PTGR1: variants seen among roughly 807,000 people sequenced by gnomAD.
The protein encoded by PTGR1 is prostaglandin reductase 1, also known as 15-oxoprostaglandin 13-reductase.
A neutral mutation model predicts 37.7 loss-of-function variants in PTGR1; 23 were observed. That is an observed-to-expected ratio of 0.61 (90% confidence interval 0.44 to 0.86). PTGR1 has a LOEUF of 0.86. PTGR1 is among the 40% of genes least tolerant of loss of function. PTGR1 has a pLI of 0.00. For missense variants in PTGR1, 351 were observed against 394.3 expected (o/e 0.89, Z 0.93); for synonymous variants, 134 against 140.0 (o/e 0.96, Z 0.30).
At chr9:111,562,329 A>G (rs983705902), downstream of PTGR1, among the ~76,000 whole-genome samples, 3 of 148,962 alleles carry the variant, frequency 2.0e-5, no homozygotes, top group Non-Finnish European at 4.4e-5. Context: ...AGGCTGGAGT[A>G]CAGTGGCGCA....
intron 2 of PTGR1, among the ~76,000 whole-genome samples, chr9:111,594,546 A>ATCCTTTTTTTTTTTTTTTTTTT: frequency 7.8e-6 from 1 of 127,420 alleles, no homozygotes. Context: ...CGTTTTTGGC[A>ATCCTTTTTTTTTTTTTTTTTTT]TTCTTTTTTT....
chr9:111,573,838 TGGAGCGGGAGGG>T (rs1307608206), intron 8 of PTGR1, among the ~76,000 whole-genome samples: 1 of 152,048 alleles, frequency 6.6e-6, no homozygotes, highest in East Asian at 1.9e-4. Flanking sequence ...CCTCAGAGTG[TGGAGCGGGAGGG>T]ATGTGGTTTC....
At chr9:111,551,248 C>G (rs894948160) in intron 9 of PTGR1, among the ~76,000 whole-genome samples, 7 of 152,128 alleles carry the variant, frequency 4.6e-5, no homozygotes, top group Non-Finnish European at 7.3e-5. Flanking sequence ...TGTTAATCTA[C>G]ACACAAAATT....
chr9:111,576,323 C>T (rs751003056), intron 7 of PTGR1: 1 of 1,609,718 alleles, frequency 6.2e-7, no homozygotes, highest in South Asian at 1.1e-5. Flanking sequence ...TTATTTGTAA[C>T]CTCAAACCAG....
At chr9:111,560,935 T>G (rs1215573194), downstream of PTGR1, among the ~76,000 whole-genome samples, 1 of 105,676 alleles carries the variant, frequency 9.5e-6, no homozygotes, top group Non-Finnish European at 1.9e-5. Context: ...AGAGTGAGAC[T>G]CCATCTAAAA....
rs554980126 is a variant in PTGR1 at position 111,562,738 on chromosome 9, G to A, written c.*383C>T. ...GAAGGCATTAGCTATTTATCCTGATGCTCTCCCTCCCTCACCCCGGCTTCC... is the reference window on the plus strand; with the variant it reads ...GAAGGCATTAGCTATTTATCCTGATACTCTCCCTCCCTCACCCCGGCTTCC... On this transcript the variant is annotated 3_prime_UTR_variant, in exon 10 of 10. Transcript: ENST00000407693. 6.8e-4 allele frequency: 124 copies of A among 182,832 alleles called. No individual in the cohort carries two copies. The highest frequency in any genetic ancestry group is 2.7e-3 in the African/African-American group (116 of 42,594). 11.3% of individuals were successfully genotyped at this position (182,832 alleles called of 1,614,324 possible).
At chr9:111,562,065 T>G (rs1179660418), downstream of PTGR1, among the ~76,000 whole-genome samples, 1 of 152,144 alleles carries the variant, frequency 6.6e-6, no homozygotes, top group Non-Finnish European at 1.5e-5. Context: ...TTTGTATTTT[T>G]AGTAGAGACA....
chr9:111,549,752 T>G, exon 10 of PTGR1: 2 of 1,550,980 alleles, frequency 1.3e-6, no homozygotes, highest in Non-Finnish European at 1.7e-6. Context: ...CATATTCCCT[T>G]CATTTTTCTG....
chr9:111,587,136 C>T (rs1221491834), intron 4 of PTGR1, among the ~76,000 whole-genome samples: 1 of 151,982 alleles, frequency 6.6e-6, no homozygotes, highest in Non-Finnish European at 1.5e-5. Context: ...ACTCTATTAA[C>T]ACAGGGTCAC....
rs943868637 is a variant in PTGR1, at chr9:111,563,361, C to T, written c.880-130G>A. ...GAAAATAAGAGATGGAAGTCCTGTC[C>T]TCCATGAACTTGAAGTCAAGGTGGG... On this transcript the variant is annotated intron_variant, in intron 9 of 9. Transcript: ENST00000407693. The T allele has an allele frequency of 9.9e-6, 9 of 913,550 alleles. No individual in the cohort carries two copies. The African/African-American group carries it at 1.3e-4, about 14-fold the overall frequency. The allele number at this position is 913,550 out of a possible 1,614,324, so 56.6% of individuals were successfully genotyped here.
intron 9 of PTGR1, 187 bp downstream of exon 9, chr9:111,569,904 G>T: frequency 1.1e-6 from 1 of 903,242 alleles, no homozygotes; most frequent in Non-Finnish European, 1.6e-6. Context: ...ACTTTAGAGA[G>T]GGTTGTTTTG....
In PTGR1 at chr9:111,570,177, G is replaced by A; in HGVS notation, c.793C>T (p.Leu265Phe). The change falls in exon 9 of 10, where the codon CTT becomes TTT. Residue 265 changes from leucine (L) to phenylalanine (F), a missense_variant. Coordinates refer to ENST00000407693, the MANE Select transcript of PTGR1 (RefSeq NM_001146108.2). ...TAGACGACAAAAGCTTCCATGCGAA[G>A]CTCCTGATAGATAACAATCTCTGGG... Reference protein sequence around the residue: ...PPPEIVIYQELRMEAFVVYRW... With the variant: ...PPPEIVIYQEFRMEAFVVYRW... 6 of 1,614,042 alleles carry A rather than the reference G, an allele frequency of 3.7e-6. No homozygotes were observed. Among genetic ancestry groups the A allele is most frequent in the Non-Finnish European group, 4.2e-6 (5 of 1,180,002 alleles).
intron 2 of PTGR1, 50 bp from the exon 3 acceptor site, chr9:111,594,317 G>A (rs1564623403): frequency 2.0e-6 from 3 of 1,519,398 alleles, no homozygotes; most frequent in Non-Finnish European, 2.7e-6. Flanking sequence ...GGCCTGAGAG[G>A]AACAATAGAC....
chr9:111,550,948 T>C (rs1380208921), intron 9 of PTGR1, among the ~76,000 whole-genome samples: 2 of 152,228 alleles, frequency 1.3e-5, no homozygotes, highest in Non-Finnish European at 2.9e-5. Context: ...CTGGAGGCTT[T>C]CCTGAAGCCT....
intron 9 of PTGR1, among the ~76,000 whole-genome samples, chr9:111,566,326 G>T (rs1164138398): frequency 6.6e-6 from 1 of 152,138 alleles, no homozygotes; most frequent in African/African-American, 2.4e-5. Context: ...ATCACAGATG[G>T]GTTACATTAG....
chr9:111,561,970 C>CTA (rs1209815565), downstream of PTGR1, among the ~76,000 whole-genome samples: 2 of 150,540 alleles, frequency 1.3e-5, no homozygotes, highest in African/African-American at 4.9e-5. Flanking sequence ...ACTGCAACGT[C>CTA]TGCCTCCTGG....
At chr9:111,597,290 C>T (rs1374844719) in intron 2 of PTGR1, 27 bp downstream of exon 2, 3 of 1,535,726 alleles carry the variant, frequency 2.0e-6, no homozygotes, top group Admixed American at 3.4e-5. Context: ...TCCCTTCCAA[C>T]TCTGAAATAT....
At chr9:111,597,482 A>G in intron 1 of PTGR1, 50 bp from the exon 2 acceptor site, 1 of 1,181,096 alleles carries the variant, frequency 8.5e-7, no homozygotes, top group South Asian at 1.3e-5. Context: ...ACTGCATTCT[A>G]ACAGTTCTCT....
intron 4 of PTGR1, among the ~76,000 whole-genome samples, chr9:111,588,661 G>A (rs1829514939): frequency 6.6e-6 from 1 of 152,046 alleles, no homozygotes; most frequent in Admixed American, 6.6e-5. Flanking sequence ...GAATAGCTAG[G>A]ATTACAGGCG....
Sources: allele counts gnomAD v4.1 joint callset (sites outside exome capture counted in the v4.1 genomes callset), GRCh38; gene constraint gnomAD v4.1.1; transcripts MANE v1.5; gene names NCBI Gene and HGNC (gene_info 2026-07-23, HGNC 2026-07-21).